Variants in ATP12A observed in about 807,000 individuals in gnomAD.
ATP12A encodes potassium-transporting ATPase alpha chain 2.
ATP12A carries 81 observed loss-of-function variants against 111.2 expected under a neutral mutation model. That is an observed-to-expected ratio of 0.73 (90% confidence interval 0.61 to 0.88). The LOEUF (loss-of-function observed/expected upper bound fraction) is 0.88, where lower values mean the gene tolerates loss of function less well. ATP12A is among the 40% of genes least tolerant of loss of function. ATP12A has a pLI of 0.00. For missense variants in ATP12A, 1,196 were observed against 1,313.1 expected, an observed-to-expected ratio of 0.91 and a Z score of 1.38; for synonymous variants, 498 against 499.8, an observed-to-expected ratio of 1.00 and a Z score of 0.05.
rs941609519 is a variant in ATP12A at position 24,690,237 on chromosome 13, A to G, written c.547-101A>G. On this transcript the variant is annotated intron_variant, in intron 5 of 22. Coordinates refer to ENST00000381946, the MANE Select transcript of ATP12A (RefSeq NM_001676.7). ...GACTCAACAGTGAGAGTGATCAGGA[A>G]GTTCCAAGGCCTCTGTCCTGGGGTT... The G allele has an allele frequency of 2.0e-6, 3 of 1,524,382 alleles. No homozygotes were observed. The East Asian group carries it at 6.8e-5, about 34-fold the overall frequency. The allele number at this position is 1,524,382 out of a possible 1,614,324, so 94.4% of individuals were successfully genotyped here. A position where few individuals can be genotyped will look rare whatever the true frequency, so the allele number is the denominator to read the frequency against.
At chr13:24,709,305 C>CCCCCCCT in intron 17 of ATP12A, 59 bp from the exon 18 acceptor site, 4 of 1,449,392 alleles carry the variant, frequency 2.8e-6, no homozygotes, top group South Asian at 1.3e-5. Flanking sequence ...CCCCCCTCCC[C>CCCCCCCT]TACTGTGGGT....
Position 24,688,381 on chromosome 13 carries a change from TCCCA to T in ATP12A, c.292_295del (p.Pro98SerfsTer44), listed in dbSNP as rs1874746480. 6.2e-7 allele frequency: 1 copy of T among 1,613,896 alleles called. No individual in the cohort carries two copies. Among genetic ancestry groups the T allele is most frequent in the East Asian group, 2.2e-5 (1 of 44,878 alleles). On this transcript the variant is annotated frameshift_variant, in exon 4 of 23. Transcript: ENST00000381946. LOFTEE classifies it high-confidence loss of function. Reference sequence around the variant, plus strand: ...GGGATGGGCCCAACTCCCTCACCCCTCCCAAGCAGACGCCTGAGATCGTCAAGTT... The same window carrying T: ...GGGATGGGCCCAACTCCCTCACCCCTAGCAGACGCCTGAGATCGTCAAGTT...
chr13:24,683,534 C>T (rs1021339232), intron 2 of ATP12A, among the ~76,000 whole-genome samples: 15 of 152,168 alleles, frequency 9.9e-5, no homozygotes, highest in Non-Finnish European at 1.5e-4. Flanking sequence ...TCTACAAATC[C>T]GAGCTTTGTA....
chr13:24,690,470 C>A lies in ATP12A; in HGVS notation c.679C>A (p.Arg227=). 1 of 1,613,626 alleles carries A rather than the reference C, an allele frequency of 6.2e-7. No homozygotes were observed. The highest frequency in any genetic ancestry group is 8.5e-7 in the Non-Finnish European group (1 of 1,179,850). The stretch of plus-strand genomic sequence containing the variant: ...CAGGGTGCTGTCTTCTCAGGGGTGT[C>A]GGGTAAGCGGCAAGGGGTATCCACC... The part of the protein sequence containing the change: ...DIRVLSSQGC[R]VDNSSLTGES... Residue 227 remains arginine, a splice_region_variant and synonymous_variant, in exon 6 of 23, where the codon CGG becomes AGG. Transcript: ENST00000381946.
Position 24,685,197 on chromosome 13 carries a change from T to C in ATP12A, c.169-117T>C. 1 of 945,010 alleles carries C rather than the reference T, an allele frequency of 1.1e-6. No homozygotes were observed. The highest frequency in any genetic ancestry group is 1.4e-5 in the South Asian group (1 of 71,400). The allele number at this position is 945,010 out of a possible 1,614,324, so 58.5% of individuals were successfully genotyped here. On this transcript the variant is annotated intron_variant, in intron 2 of 22. Coordinates refer to ENST00000381946, the MANE Select transcript of ATP12A (RefSeq NM_001676.7). The surrounding 1 kb of genome is among the most constrained non-coding windows in gnomAD (Gnocchi z 5.5). ...CTTTCTCTCCTGTCCCCCACACTCC[T>C]CGATCCCCTCCCATCCTCAGGGCTG... is the stretch of plus-strand genomic sequence containing the variant.
Position 24,698,735 on chromosome 13 carries a change from A to G in ATP12A, c.1590A>G (p.Leu530=), listed in dbSNP as rs1214258026. ...TGAAGGGGGCCCCTGAGCGCATCCT[A>G]GAGAAATGCAGCACCATCATGATCA... ...MVMKGAPERI[L]EKCSTIMING... The change falls in exon 12 of 23, where the codon CTA becomes CTG. Residue 530 remains leucine (L), a synonymous_variant. Coordinates refer to ENST00000381946, the MANE Select transcript of ATP12A (RefSeq NM_001676.7). 6.2e-7 allele frequency: 1 copy of G among 1,614,020 alleles called. No homozygotes were observed. Among genetic ancestry groups the G allele is most frequent in the East Asian group, 2.2e-5 (1 of 44,858 alleles).
intron 19 of ATP12A, 127 bp from the exon 20 acceptor site, chr13:24,710,333 A>C: frequency 8.7e-7 from 1 of 1,143,114 alleles, no homozygotes; most frequent in Non-Finnish European, 1.2e-6. Flanking sequence ...TCCAAACACT[A>C]GAAGGTGGTC....
At position 24,707,029 on chromosome 13, in the gene ATP12A, G is replaced by C; in HGVS notation, c.2176G>C (p.Val726Leu). ...CCTGGGTCCCCCGCCATAGGATGCT[G>C]TTGTTGCTGTGACCGGGGATGGAGT... The part of the protein sequence containing the change: ...IVEGCQRQDA[V>L]VAVTGDGVND... Residue 726 changes from valine to leucine, a missense_variant, in exon 16 of 23, where the codon GTT becomes CTT. Coordinates refer to ENST00000381946, the MANE Select transcript of ATP12A (RefSeq NM_001676.7). The C allele has an allele frequency of 6.2e-7, 1 of 1,602,982 alleles. No homozygotes were observed. Among genetic ancestry groups the C allele is most frequent in the East Asian group, 2.2e-5 (1 of 44,770 alleles).
At chr13:24,710,619 G>C (rs749869590) in intron 20 of ATP12A, 26 bp downstream of exon 20, 2 of 1,613,602 alleles carry the variant, frequency 1.2e-6, no homozygotes, top group Non-Finnish European at 8.5e-7. Flanking sequence ...GGCCTCCTGG[G>C]GCAGCCCTGG....
At chr13:24,688,786 C>T (rs1034513880) in intron 4 of ATP12A, among the ~76,000 whole-genome samples, 2 of 152,208 alleles carry the variant, frequency 1.3e-5, no homozygotes, top group Non-Finnish European at 2.9e-5. Context: ...CTCCCCCAAG[C>T]TAACCTCTTC....
intron 14 of ATP12A, 72 bp from the exon 15 acceptor site, chr13:24,706,241 A>C (rs1875625919): frequency 1.1e-5 from 17 of 1,562,302 alleles, no homozygotes; most frequent in Non-Finnish European, 1.4e-5. Flanking sequence ...TTCAGCCAGC[A>C]TCCTGCCTGG....
intron 12 of ATP12A, 106 bp downstream of exon 12, chr13:24,698,956 G>A (rs74673086): frequency 1.5e-6 from 2 of 1,327,468 alleles, no homozygotes; most frequent in Non-Finnish European, 2.1e-6. Flanking sequence ...TCCACGTGAA[G>A]CATGTAAAGG....
At chr13:24,688,628 C>A in intron 4 of ATP12A, 106 bp downstream of exon 4, 1 of 1,125,264 alleles carries the variant, frequency 8.9e-7, no homozygotes. Context: ...GTGGGAAAGT[C>A]AGGCATTTTC....
rs1875991599 is a variant in ATP12A, at chr13:24,711,911, GC to G, written c.*393del. On this transcript the variant is annotated 3_prime_UTR_variant, in exon 23 of 23. Transcript: ENST00000381946. ...AACTCCTTTCCACACCCTATTAAAGGCCCCATGACCTCCCTAAGATTTCTGC... is the reference window on the plus strand; with the variant it reads ...AACTCCTTTCCACACCCTATTAAAGGCCCATGACCTCCCTAAGATTTCTGC... The G allele has an allele frequency of 3.9e-6, 1 of 253,220 alleles. No individual in the cohort carries two copies. The highest frequency in any genetic ancestry group is 2.3e-5 in the African/African-American group (1 of 44,378). 15.7% of individuals were successfully genotyped at this position (253,220 alleles called of 1,614,324 possible).
In ATP12A at chr13:24,711,363, G is replaced by A. The variant is rs751919950; in HGVS notation, c.3045G>A (p.Trp1015Ter). 4 of 1,610,924 alleles carry A rather than the reference G, an allele frequency of 2.5e-6. No individual in the cohort carries two copies. The South Asian group carries it at 3.3e-5, about 13-fold the overall frequency. ...CTGTGCCGCACGCCATCCTGATCTG[G>A]GTGTATGATGAGGTGCGGAAGCTCT... ...FVAVPHAILI[W>*]VYDEVRKLFI... is the part of the protein sequence containing the mutation. Residue 1015 changes from tryptophan to a stop codon, truncating the protein, a stop_gained, in exon 22 of 23, where the codon TGG (tryptophan) becomes TGA (stop). Coordinates refer to ENST00000381946, the MANE Select transcript of ATP12A (RefSeq NM_001676.7). LOFTEE classifies it high-confidence loss of function.
At position 24,707,431 on chromosome 13, in the gene ATP12A, A is replaced by G; in HGVS notation, c.2491A>G (p.Ile831Val). The change falls in exon 17 of 23, where the codon ATT (isoleucine) becomes GTT (valine). Residue 831 changes from isoleucine (I) to valine (V), a missense_variant and splice_region_variant. Around this residue, in one of 3 missense-constraint regions of ATP12A, gnomAD observed 1,126 missense variants for 1,228.5 expected, o/e 0.92. Transcript: ENST00000381946. ...TILFIDLGTD[I>V]IPSIALAYEK... Reference sequence around the variant, plus strand: ...TCTGTTCATTGACTTGGGGACAGACATTGTAAGTGACACTGAAGGGAACAG... The same window carrying G: ...TCTGTTCATTGACTTGGGGACAGACGTTGTAAGTGACACTGAAGGGAACAG... The G allele has an allele frequency of 6.2e-7, 1 of 1,614,166 alleles. No homozygotes were observed. Among genetic ancestry groups the G allele is most frequent in the Non-Finnish European group, 8.5e-7 (1 of 1,180,014 alleles).
chr13:24,685,428 A>G lies in ATP12A; in HGVS notation c.228+55A>G. 1 of 1,570,128 alleles carries G rather than the reference A, an allele frequency of 6.4e-7. No homozygotes were observed. Among genetic ancestry groups the G allele is most frequent in the Non-Finnish European group, 8.8e-7 (1 of 1,139,920 alleles). ...AGAAGCCTCCCAACTCTACAGAGGG[A>G]AGGCTGTGTGTGGCGGGGGGCTGTG... On this transcript the variant is annotated intron_variant, in intron 3 of 22. Transcript: ENST00000381946. This position sits in a 1 kb window ranked among gnomAD's most constrained non-coding sequence, Gnocchi z 5.5.
chr13:24,709,889 G>A lies in ATP12A; in HGVS notation c.2763+61G>A, dbSNP rs928416358. ...ATTCTCTCCATGCTCATTGCCCTGC[G>A]CAGAATTACATAGAACCTCCATGTC... On this transcript the variant is annotated intron_variant, in intron 19 of 22. Coordinates refer to ENST00000381946, the MANE Select transcript of ATP12A (RefSeq NM_001676.7). 5.0e-5 allele frequency: 80 copies of A among 1,597,044 alleles called. 1 individual carries two copies. In the African/African-American group the frequency reaches 8.2e-4, roughly 16 times the overall value.
chr13:24,696,568 C>T (rs1222155787), intron 11 of ATP12A, among the ~76,000 whole-genome samples: 11 of 126,232 alleles, frequency 8.7e-5, no homozygotes, highest in Admixed American at 1.9e-4. Context: ...AAAAATTAGC[C>T]GGGCGCGGTG....
Sources: gnomAD v4.1 joint callset for allele counts (sites outside exome capture counted in the v4.1 genomes callset) on GRCh38, gnomAD v4.1.1 for gene constraint, gnomAD v4.1.1 regional missense constraint, Gnocchi (gnomAD v3.1) non-coding constraint, MANE v1.5 for transcripts, NCBI Gene and HGNC (gene_info 2026-07-23, HGNC 2026-07-21) for gene names.